The following MAP4K3 variants were observed in gnomAD, a reference collection of about 807,000 sequenced individuals.
MAP4K3 encodes the protein MAPK/ERK kinase kinase kinase 3.
Under a neutral mutation model 143.5 loss-of-function variants are expected in MAP4K3, and 94 were observed. That is an observed-to-expected ratio of 0.65 (90% CI 0.55 to 0.78). The LOEUF is 0.78. Among genes scored for constraint, MAP4K3 ranks in the 30% least tolerant of loss-of-function variants. MAP4K3 has a pLI of 0.00. For synonymous variants in MAP4K3, 416 were observed against 347.2 expected, an observed-to-expected ratio of 1.20 and a Z score of -2.20; for missense variants, 1,077 against 1,068.1, an observed-to-expected ratio of 1.01 and a Z score of -0.12.
intron 2 of MAP4K3, among the ~76,000 whole-genome samples, chr2:39,361,598 T>C (rs1287363435): frequency 1.3e-5 from 2 of 151,896 alleles, no homozygotes; most frequent in East Asian, 1.9e-4. Flanking sequence ...TCAAATTAAA[T>C]TGTGTACCTA....
chr2:39,297,153 T>A (rs1403218941), intron 16 of MAP4K3, among the ~76,000 whole-genome samples: 3 of 152,110 alleles, frequency 2.0e-5, no homozygotes, highest in African/African-American at 7.2e-5. Context: ...GTTTCACTCT[T>A]GTCGCCCAGG....
intron 2 of MAP4K3, among the ~76,000 whole-genome samples, chr2:39,357,858 G>C (rs574105273): frequency 2.6e-5 from 4 of 152,164 alleles, no homozygotes; most frequent in Non-Finnish European, 5.9e-5. Context: ...TATACTTTTA[G>C]TCAATCTAGT....
At chr2:39,430,200 AGAG>A (rs375093707) in intron 1 of MAP4K3, among the ~76,000 whole-genome samples, 2 of 152,348 alleles carry the variant, frequency 1.3e-5, no homozygotes, top group African/African-American at 4.8e-5. Flanking sequence ...CAGGCGATGA[AGAG>A]GAGATTCTTT....
rs991677769 is a variant in MAP4K3 at position 39,258,529 on chromosome 2, T to G, written c.2367A>C (p.Val789=). 6.2e-7 allele frequency: 1 copy of G among 1,613,274 alleles called. No individual in the cohort carries two copies. The highest frequency in any genetic ancestry group is 2.2e-5 in the East Asian group (1 of 44,860). The change falls in exon 30 of 34, where the codon GTA becomes GTC. Residue 789 remains valine (V), a synonymous_variant. Coordinates refer to ENST00000263881, the MANE Select transcript of MAP4K3 (RefSeq NM_003618.4). The stretch of plus-strand genomic sequence containing the variant: ...TAAATAAAAACTTACAGTCCAAGCA[T>G]ACAAGGATGGTATCTCTCTCCAGTT... ...VTQLERDTIL[V]CLDCCIKIVN...
intron 15 of MAP4K3, among the ~76,000 whole-genome samples, chr2:39,303,843 G>A (rs1453944487): frequency 1.3e-5 from 2 of 152,240 alleles, no homozygotes; most frequent in South Asian, 2.1e-4. Context: ...GGTCAACATA[G>A]TCTTTTATAC....
At chr2:39,260,810 G>A (rs1387164968) in intron 28 of MAP4K3, 33 bp from the exon 29 acceptor site, 18 of 1,478,170 alleles carry the variant, frequency 1.2e-5, no homozygotes, top group East Asian at 2.3e-5. Context: ...ATTAAACCAA[G>A]GAAAATAAAA....
chr2:39,432,153 T>A (rs887067028), intron 1 of MAP4K3, among the ~76,000 whole-genome samples: 1 of 152,224 alleles, frequency 6.6e-6, no homozygotes, highest in Non-Finnish European at 1.5e-5. Flanking sequence ...TTTCCTCTCA[T>A]ATTACAGCTG....
chr2:39,338,189 AAATT>A (rs1487240637), intron 4 of MAP4K3, among the ~76,000 whole-genome samples: 1 of 152,190 alleles, frequency 6.6e-6, no homozygotes, highest in African/African-American at 2.4e-5. Flanking sequence ...GTAGTCACTG[AAATT>A]AATTATATTC....
chr2:39,340,958 A>G lies in MAP4K3; in HGVS notation c.310+2430T>C, dbSNP rs111775471. ...GAAGAGACATGAAGACCTACTGTAC[A>G]TCTAACTAAGATTCTAAAGGAGAGA... On this transcript the variant is annotated intron_variant, in intron 4 of 33. Transcript: ENST00000263881. Among the ~76,000 whole-genome samples, 198 of 152,310 alleles carry G rather than the reference A, an allele frequency of 1.3e-3. 3 individuals are homozygous for G. The highest frequency in any genetic ancestry group is 4.6e-3 in the African/African-American group (192 of 41,564).
chr2:39,382,379 C>A (rs1290475170), intron 1 of MAP4K3, among the ~76,000 whole-genome samples: 3 of 152,172 alleles, frequency 2.0e-5, no homozygotes, highest in African/African-American at 7.2e-5. Context: ...AAGGGCATGT[C>A]CGATGTGAAT....
intron 1 of MAP4K3, among the ~76,000 whole-genome samples, chr2:39,415,280 A>G (rs1342980612): frequency 6.6e-6 from 1 of 152,202 alleles, no homozygotes; most frequent in Admixed American, 6.5e-5. Flanking sequence ...ATGCTTACTG[A>G]TATGACTTTG....
chr2:39,288,363 T>C (rs1681888786), intron 19 of MAP4K3, 83 bp from the exon 20 acceptor site: 2 of 1,232,938 alleles, frequency 1.6e-6, no homozygotes, highest in Admixed American at 2.0e-5. Context: ...TTAAAAGCTT[T>C]CAAATTATTT....
At chr2:39,316,521 C>T (rs1024215677) in intron 12 of MAP4K3, among the ~76,000 whole-genome samples, 1 of 151,868 alleles carries the variant, frequency 6.6e-6, no homozygotes, top group Non-Finnish European at 1.5e-5. Context: ...GATATGAAAA[C>T]GGTATTTTTT....
chr2:39,387,341 A>G (rs1425355417), intron 1 of MAP4K3, among the ~76,000 whole-genome samples: 2 of 152,180 alleles, frequency 1.3e-5, no homozygotes, highest in East Asian at 3.8e-4. Flanking sequence ...CATATTTACT[A>G]TGTGGAGTCT....
intron 1 of MAP4K3, among the ~76,000 whole-genome samples, chr2:39,390,955 A>G (rs780477821): frequency 6.6e-6 from 1 of 152,132 alleles, no homozygotes. Context: ...TTATTCACCA[A>G]TTTCTAACAT....
chr2:39,368,469 C>A (rs1039424942), intron 2 of MAP4K3, among the ~76,000 whole-genome samples: 2 of 151,934 alleles, frequency 1.3e-5, no homozygotes, highest in African/African-American at 2.4e-5. Context: ...GAGTTTGAGA[C>A]CAGCTTGGGC....
At chr2:39,388,859 A>T (rs1283739086) in intron 1 of MAP4K3, among the ~76,000 whole-genome samples, 1 of 152,174 alleles carries the variant, frequency 6.6e-6, no homozygotes, top group East Asian at 1.9e-4. Context: ...GTAGATAAAC[A>T]CATCTTCAAC....
intron 1 of MAP4K3, among the ~76,000 whole-genome samples, chr2:39,432,043 A>C (rs1665304466): frequency 6.6e-6 from 1 of 152,214 alleles, no homozygotes; most frequent in Non-Finnish European, 1.5e-5. Flanking sequence ...TTCTGATCTC[A>C]AACTATGACA....
intron 1 of MAP4K3, among the ~76,000 whole-genome samples, chr2:39,429,482 T>C (rs932903228): frequency 2.6e-5 from 4 of 152,160 alleles, no homozygotes; most frequent in African/African-American, 9.7e-5. Flanking sequence ...AATGAATGCA[T>C]ACAAAAACTG....
Sources: gnomAD v4.1 joint callset for allele counts (sites outside exome capture counted in the v4.1 genomes callset) on GRCh38, gnomAD v4.1.1 for gene constraint, MANE v1.5 for transcripts, NCBI Gene and HGNC (gene_info 2026-07-23, HGNC 2026-07-21) for gene names.